Variants in C10orf67 observed in about 807,000 individuals in gnomAD.
The protein encoded by C10orf67 is uncharacterized protein C10orf67, mitochondrial.
A neutral mutation model predicts 35.6 loss-of-function variants in C10orf67; 60 were observed. That is an observed-to-expected ratio of 1.68 (90% CI 1.37 to 2.09). C10orf67 has a LOEUF of 2.09. C10orf67 is among the 30% of genes most tolerant of loss of function. The pLI is 0.00. For missense variants in C10orf67, 474 were observed against 330.2 expected (o/e 1.44, Z -3.38); for synonymous variants, 167 against 115.8 (o/e 1.44, Z -2.84).
intron 1 of C10orf67, among the ~76,000 whole-genome samples, chr10:23,338,409 A>G (rs1845766755): frequency 6.6e-6 from 1 of 152,194 alleles, no homozygotes; most frequent in Admixed American, 6.5e-5. Flanking sequence ...CACAGGGAAT[A>G]GCCAGCCACC....
intron 15 of C10orf67, among the ~76,000 whole-genome samples, chr10:23,204,469 G>T (rs1841105668): frequency 6.6e-6 from 1 of 152,160 alleles, no homozygotes; most frequent in East Asian, 1.9e-4. Context: ...CAGACAGCGT[G>T]TGCCAGCCAA....
chr10:23,242,633 G>C (rs1027468004), intron 12 of C10orf67, among the ~76,000 whole-genome samples: 1 of 152,128 alleles, frequency 6.6e-6, no homozygotes, highest in Admixed American at 6.5e-5. Context: ...GAATTAAATG[G>C]AGTGAAAATA....
Position 23,330,759 on chromosome 10 carries a change from A to G in C10orf67, c.327+2303T>C, listed in dbSNP as rs192663446. ...TGTCTCAAAAAAAAAAAAAATCAAAATAACAGAAGCATAAACGAGAAATAA... is the reference window on the plus strand; with the variant it reads ...TGTCTCAAAAAAAAAAAAAATCAAAGTAACAGAAGCATAAACGAGAAATAA... On this transcript the variant is annotated intron_variant, in intron 2 of 15. Coordinates refer to ENST00000636213, the MANE Select transcript of C10orf67 (RefSeq NM_001371909.1). Among the ~76,000 whole-genome samples, 839 of 151,902 alleles carry G rather than the reference A, an allele frequency of 5.5e-3. 1 individual carries two copies. Among genetic ancestry groups the G allele is most frequent in the African/African-American group, 0.019 (792 of 41,402 alleles).
At chr10:23,341,729 ACATCCAGGCAC>A (rs1845893262) in intron 1 of C10orf67, among the ~76,000 whole-genome samples, 1 of 152,074 alleles carries the variant, frequency 6.6e-6, no homozygotes, top group South Asian at 2.1e-4. Flanking sequence ...TGCTCCTAGG[ACATCCAGGCAC>A]CATCTTTCTA....
chr10:23,321,796 G>A (rs1844966446), intron 3 of C10orf67, among the ~76,000 whole-genome samples: 2 of 151,866 alleles, frequency 1.3e-5, no homozygotes, highest in Middle Eastern at 3.4e-3. Flanking sequence ...TTTGTTTTTT[G>A]GTTTTCTGAG....
intron 5 of C10orf67, among the ~76,000 whole-genome samples, chr10:23,300,505 T>C (rs976145692): frequency 2.6e-5 from 4 of 152,344 alleles, no homozygotes; most frequent in African/African-American, 9.6e-5. Context: ...GAAGTTTTTT[T>C]CTAATGTCTG....
At chr10:23,310,795 C>A (rs1844467029) in intron 4 of C10orf67, among the ~76,000 whole-genome samples, 7 of 152,210 alleles carry the variant, frequency 4.6e-5, no homozygotes, top group Admixed American at 4.6e-4. Context: ...ATTTACAGGT[C>A]AGCACTCCAT....
rs577165146 is a variant in C10orf67, at chr10:23,297,533, G to T, written c.702+5771C>A. ...CTGAGCACTAGTTCCTGGAGTGAGG[G>T]GATTACTTTCAAGTACTCCATTATC... On this transcript the variant is annotated intron_variant, in intron 5 of 15. Transcript: ENST00000636213. Among the ~76,000 whole-genome samples, 6 of 152,176 alleles carry T rather than the reference G, an allele frequency of 3.9e-5. No individual in the cohort carries two copies. In the East Asian group the frequency reaches 1.2e-3, roughly 29 times the overall value.
intron 10 of C10orf67, among the ~76,000 whole-genome samples, chr10:23,257,848 C>T (rs929611073): frequency 2.0e-5 from 3 of 151,554 alleles, no homozygotes; most frequent in Non-Finnish European, 2.9e-5. Context: ...GTAACCATAG[C>T]AACAAGCAAA....
chr10:23,335,859 C>T (rs1845659467), intron 1 of C10orf67, among the ~76,000 whole-genome samples: 1 of 152,210 alleles, frequency 6.6e-6, no homozygotes, highest in South Asian at 2.1e-4. Context: ...CCCCCAAATA[C>T]ATCTGTACCT....
intron 2 of C10orf67, 31 bp downstream of exon 2, chr10:23,333,031 C>T: frequency 6.3e-7 from 1 of 1,599,344 alleles, no homozygotes; most frequent in Non-Finnish European, 8.5e-7. Flanking sequence ...CAAAAATTAT[C>T]TCAGAAGTTT....
intron 5 of C10orf67, among the ~76,000 whole-genome samples, chr10:23,299,879 G>A (rs1462297560): frequency 6.6e-6 from 1 of 152,006 alleles, no homozygotes; most frequent in Non-Finnish European, 1.5e-5. Context: ...TCAGGAGGCT[G>A]AGGCAGGAGA....
chr10:23,249,601 A>G (rs9665728), intron 12 of C10orf67, among the ~76,000 whole-genome samples: 90,735 of 152,102 alleles, frequency 0.6, 28,063 homozygotes, highest in East Asian at 0.88. Context: ...AATTATTTCC[A>G]TAGAATATAC....
Position 23,256,533 on chromosome 10 carries a change from C to G in C10orf67, c.1201-5842G>C, listed in dbSNP as rs573343970. 1.3e-5 allele frequency among the ~76,000 whole-genome samples: 2 copies of G among 152,282 alleles called. 1 individual carries two copies. The highest frequency in any genetic ancestry group is 4.1e-4 in the South Asian group (2 of 4,828). ...AACAGTTCATAGGTCTCGTCTACAGCTGAAGAAGCACCATGCCAGCTTCAA... is the reference window on the plus strand; with the variant it reads ...AACAGTTCATAGGTCTCGTCTACAGGTGAAGAAGCACCATGCCAGCTTCAA... On this transcript the variant is annotated intron_variant, in intron 10 of 15. Transcript: ENST00000636213.
chr10:23,252,796 T>A (rs1842491403), intron 10 of C10orf67, among the ~76,000 whole-genome samples: 1 of 152,214 alleles, frequency 6.6e-6, no homozygotes, highest in Non-Finnish European at 1.5e-5. Flanking sequence ...GAGTCTCAGG[T>A]ACCCATGGCC....
At chr10:23,227,397 C>G (rs1372870976) in intron 13 of C10orf67, among the ~76,000 whole-genome samples, 1 of 152,140 alleles carries the variant, frequency 6.6e-6, no homozygotes, top group Non-Finnish European at 1.5e-5. Context: ...GCCCTTCATG[C>G]TAAAAACTCT....
intron 13 of C10orf67, among the ~76,000 whole-genome samples, chr10:23,226,259 CA>C (rs1841738785): frequency 6.6e-6 from 1 of 152,142 alleles, no homozygotes; most frequent in Admixed American, 6.5e-5. Flanking sequence ...ACAGTGCAAT[CA>C]AACTAGAACT....
chr10:23,270,768 T>C (rs1842996226), intron 8 of C10orf67, among the ~76,000 whole-genome samples: 1 of 152,210 alleles, frequency 6.6e-6, no homozygotes, highest in African/African-American at 2.4e-5. Context: ...GGAGTCCAGG[T>C]GGTTCACATG....
At chr10:23,335,383 A>AG (rs1845641444) in intron 1 of C10orf67, among the ~76,000 whole-genome samples, 2 of 152,216 alleles carry the variant, frequency 1.3e-5, no homozygotes, top group African/African-American at 4.8e-5. Flanking sequence ...TAGATAAATT[A>AG]CTAAACCTTT....
Sources: allele counts gnomAD v4.1 joint callset (sites outside exome capture counted in the v4.1 genomes callset), GRCh38; gene constraint gnomAD v4.1.1; transcripts MANE v1.5; gene names NCBI Gene and HGNC (gene_info 2026-07-23, HGNC 2026-07-21).